TPO: variants seen among roughly 807,000 people sequenced by gnomAD.
TPO encodes thyroid microsomal antigen.
Under a neutral mutation model 96.9 loss-of-function variants are expected in TPO, and 78 were observed. The ratio of observed to expected loss-of-function variants is 0.81; its 90% confidence interval spans 0.67 to 0.97. The LOEUF (loss-of-function observed/expected upper bound fraction) is 0.97, where lower values mean the gene tolerates loss of function less well. Ranked by LOEUF, TPO falls within the 50% of genes least tolerant of loss-of-function variation. The pLI is 0.00. For missense variants in TPO, 1,252 were observed against 1,274.8 expected (o/e 0.98, Z 0.27); for synonymous variants, 547 against 538.0 (o/e 1.02, Z -0.23).
At chr2:1,382,032 C>T (rs1661818291) in intron 1 of TPO, among the ~76,000 whole-genome samples, 1 of 152,132 alleles carries the variant, frequency 6.6e-6, no homozygotes, top group Admixed American at 6.5e-5. Flanking sequence ...CCCAAGGAGG[C>T]ACTGGCAGAG....
chr2:1,402,986 G>A (rs577091205), intron 1 of TPO, among the ~76,000 whole-genome samples: 1 of 152,280 alleles, frequency 6.6e-6, no homozygotes, highest in South Asian at 2.1e-4. Flanking sequence ...CACCATTATT[G>A]CATCTTTAGT....
intron 1 of TPO, among the ~76,000 whole-genome samples, chr2:1,399,454 G>A (rs1333150163): frequency 6.6e-6 from 1 of 152,224 alleles, no homozygotes; most frequent in Non-Finnish European, 1.5e-5. Flanking sequence ...CCACGGTGAA[G>A]CTTAGTTTAT....
chr2:1,498,042 T>C (rs1672528909), intron 13 of TPO, among the ~76,000 whole-genome samples: 1 of 150,606 alleles, frequency 6.6e-6, no homozygotes, highest in Non-Finnish European at 1.5e-5. Context: ...TGTGATAAGT[T>C]GCACAAGGTC....
At chr2:1,401,954 G>A (rs904493274) in intron 1 of TPO, among the ~76,000 whole-genome samples, 6 of 152,226 alleles carry the variant, frequency 3.9e-5, no homozygotes, top group Non-Finnish European at 8.8e-5. Flanking sequence ...ATCCTACCGA[G>A]CAAGCCATGA....
At chr2:1,494,145 T>A (rs1284909732) in intron 11 of TPO, 106 bp downstream of exon 11, 1 of 1,139,742 alleles carries the variant, frequency 8.8e-7, no homozygotes, top group African/African-American at 1.5e-5. Flanking sequence ...GGCTCCACCA[T>A]TCAACTCTTA....
At chr2:1,409,205 A>G (rs1392479084), upstream of TPO, among the ~76,000 whole-genome samples, 2 of 152,074 alleles carry the variant, frequency 1.3e-5, no homozygotes, top group Non-Finnish European at 2.9e-5. Context: ...CCAGACTCCT[A>G]CCTCCTACTC....
rs763650067 is a variant in TPO at position 1,477,223 on chromosome 2, G to A, written c.957G>A (p.Gly319=). Residue 319 remains glycine, a synonymous_variant, in exon 8 of 17, where the codon GGG becomes GGA. Transcript: ENST00000329066. ...STANPRQQMN[G]LTSFLDASTV... ...CCAACCCGCGGCAGCAGATGAACGG[G>A]TTGACCTCGTTCCTGGACGCGTCCA... 1 of 1,609,548 alleles carries A rather than the reference G, an allele frequency of 6.2e-7. No homozygotes were observed. The highest frequency in any genetic ancestry group is 8.5e-7 in the Non-Finnish European group (1 of 1,178,868).
At chr2:1,426,182 A>G (rs551013550) in intron 3 of TPO, among the ~76,000 whole-genome samples, 34 of 145,840 alleles carry the variant, frequency 2.3e-4, no homozygotes, top group Middle Eastern at 4.1e-3. Context: ...CGATCATTTC[A>G]TATCCTCAGA....
intron 7 of TPO, among the ~76,000 whole-genome samples, chr2:1,467,035 C>T (rs187193347): frequency 1.3e-3 from 196 of 152,112 alleles, no homozygotes; most frequent in Middle Eastern, 3.4e-3. Context: ...ATGAACTTTC[C>T]TCTTAGCACC....
At chr2:1,392,124 C>T (rs1269249842) in intron 1 of TPO, among the ~76,000 whole-genome samples, 2 of 152,098 alleles carry the variant, frequency 1.3e-5, no homozygotes, top group African/African-American at 4.8e-5. Context: ...CCAATTTTTG[C>T]CCATTCAGTA....
intron 4 of TPO, among the ~76,000 whole-genome samples, chr2:1,435,978 G>C (rs1326571330): frequency 6.6e-6 from 1 of 152,150 alleles, no homozygotes; most frequent in Non-Finnish European, 1.5e-5. Flanking sequence ...ATCCCCCTGA[G>C]GGCTGAGAGC....
intron 15 of TPO, among the ~76,000 whole-genome samples, chr2:1,526,521 C>G (rs1294782260): frequency 1.4e-5 from 2 of 141,852 alleles, no homozygotes; most frequent in Admixed American, 1.4e-4. Flanking sequence ...GCAAATCCTC[C>G]CAGTGTTCGC....
chr2:1,529,692 C>CT (rs1441107002), intron 15 of TPO, among the ~76,000 whole-genome samples: 1 of 90,398 alleles, frequency 1.1e-5, no homozygotes, highest in African/African-American at 4.7e-5. Flanking sequence ...CTCCTCAAAT[C>CT]CCCCCACTGC....
chr2:1,419,551 A>G (rs1663295162), intron 2 of TPO, among the ~76,000 whole-genome samples: 1 of 152,176 alleles, frequency 6.6e-6, no homozygotes, highest in Non-Finnish European at 1.5e-5. Flanking sequence ...AAGGACAGAA[A>G]TTCATCACCA....
intron 3 of TPO, 26 bp from the exon 4 acceptor site, chr2:1,433,412 T>C (rs1665229559): frequency 6.2e-7 from 1 of 1,613,318 alleles, no homozygotes; most frequent in Non-Finnish European, 8.5e-7. Flanking sequence ...AAATAATCTA[T>C]TTTATATCTT....
At chr2:1,374,644 A>G (rs1319348256) in intron 1 of TPO, among the ~76,000 whole-genome samples, 5 of 152,126 alleles carry the variant, frequency 3.3e-5, no homozygotes, top group South Asian at 2.1e-4. Context: ...AAAAATGTTA[A>G]TGAGGATTTA....
intron 15 of TPO, among the ~76,000 whole-genome samples, chr2:1,534,639 C>T (rs966198793): frequency 1.3e-4 from 19 of 146,284 alleles, no homozygotes; most frequent in Non-Finnish European, 2.7e-4. Flanking sequence ...CAAATCCCGC[C>T]CACTCTGTGC....
intron 1 of TPO, among the ~76,000 whole-genome samples, chr2:1,400,148 G>T (rs764122110): frequency 2.6e-5 from 4 of 152,138 alleles, no homozygotes; most frequent in Non-Finnish European, 5.9e-5. Flanking sequence ...ATAGGGGAGA[G>T]GCTCCTAGGT....
chr2:1,453,575 C>T lies in TPO; in HGVS notation c.483-119C>T, dbSNP rs929398309. The T allele has an allele frequency of 4.6e-6, 7 of 1,521,534 alleles. No homozygotes were observed. In the African/African-American group the frequency reaches 8.2e-5, roughly 18 times the overall value. 94.3% of individuals were successfully genotyped at this position (1,521,534 alleles called of 1,614,324 possible). ...TCGGGTCTTCTGGGGAGCTGTGCCCCTTGGGCCTCCGGAGAGACCCCACTT... is the reference window on the plus strand; with the variant it reads ...TCGGGTCTTCTGGGGAGCTGTGCCCTTTGGGCCTCCGGAGAGACCCCACTT... On this transcript the variant is annotated intron_variant, in intron 5 of 16. Coordinates refer to ENST00000329066, the MANE Select transcript of TPO (RefSeq NM_001206744.2).
Sources: gnomAD v4.1 joint callset for allele counts (sites outside exome capture counted in the v4.1 genomes callset) on GRCh38, gnomAD v4.1.1 for gene constraint, MANE v1.5 for transcripts, NCBI Gene and HGNC (gene_info 2026-07-23, HGNC 2026-07-21) for gene names.